The following IGF2BP2 variants were observed in gnomAD, a reference collection of about 807,000 sequenced individuals.
IGF2BP2 encodes the protein insulin like growth factor 2 mRNA binding protein 2, also known as insulin-like growth factor 2 mRNA-binding protein 2.
A neutral mutation model predicts 75.8 loss-of-function variants in IGF2BP2; 17 were observed. The ratio of observed to expected loss-of-function variants is 0.22; its 90% confidence interval spans 0.15 to 0.34. IGF2BP2 has a LOEUF of 0.34. Among genes scored for constraint, IGF2BP2 ranks in the 10% least tolerant of loss-of-function variants. The pLI is 1.00. For synonymous variants in IGF2BP2, 288 were observed against 295.6 expected (o/e 0.97, Z 0.26); for missense variants, 516 against 772.4 (o/e 0.67, Z 3.93).
chr3:185,664,635 T>C (rs1046869811), intron 10 of IGF2BP2, among the ~76,000 whole-genome samples: 3 of 152,156 alleles, frequency 2.0e-5, no homozygotes, highest in Non-Finnish European at 2.9e-5. Context: ...AGAGTGACCC[T>C]GGATATGAAA....
At position 185,647,290 on chromosome 3, in the gene IGF2BP2, C is replaced by A; in HGVS notation, c.1594-152G>T. ...CCTTTTATCAAGGACACCCCGGGGG[C>A]TCCTCTGCCCCTGAGCACATGGGGC... On this transcript the variant is annotated intron_variant, in intron 14 of 15. Transcript: ENST00000382199. This position sits in a 1 kb window ranked among gnomAD's most constrained non-coding sequence, Gnocchi z 4.9. 1.5e-6 allele frequency: 1 copy of A among 646,608 alleles called. No homozygotes were observed. The highest frequency in any genetic ancestry group is 2.8e-6 in the Non-Finnish European group (1 of 357,326). The allele number at this position is 646,608 out of a possible 1,614,324, so 40.1% of individuals were successfully genotyped here. A position where few individuals can be genotyped will look rare whatever the true frequency, so the allele number is the denominator to read the frequency against.
At chr3:185,757,764 T>C (rs891520947) in intron 2 of IGF2BP2, among the ~76,000 whole-genome samples, 4 of 152,152 alleles carry the variant, frequency 2.6e-5, no homozygotes, top group Non-Finnish European at 5.9e-5. Flanking sequence ...ACCTAGCCTA[T>C]AGCTCATGTA....
intron 2 of IGF2BP2, among the ~76,000 whole-genome samples, chr3:185,812,925 G>A (rs1328318186): frequency 6.6e-6 from 1 of 152,116 alleles, no homozygotes; most frequent in Admixed American, 6.5e-5. Flanking sequence ...GACCACAATC[G>A]ATACTTGTGA....
chr3:185,700,408 C>T (rs1167233233), intron 2 of IGF2BP2, among the ~76,000 whole-genome samples: 1 of 152,096 alleles, frequency 6.6e-6, no homozygotes, highest in African/African-American at 2.4e-5. Flanking sequence ...GCTTTAATGA[C>T]TATACAGAAT....
At chr3:185,784,404 T>C (rs1367462067) in intron 2 of IGF2BP2, among the ~76,000 whole-genome samples, 2 of 152,148 alleles carry the variant, frequency 1.3e-5, no homozygotes, top group African/African-American at 4.8e-5. Flanking sequence ...GCTGGATCTC[T>C]AGGAAGTTCC....
intron 10 of IGF2BP2, among the ~76,000 whole-genome samples, chr3:185,668,048 C>G (rs1301057579): frequency 6.6e-6 from 1 of 152,240 alleles, no homozygotes; most frequent in East Asian, 1.9e-4. Context: ...CTTGTTTTAT[C>G]ATGTTATTCA....
At chr3:185,770,113 A>C (rs1733678971) in intron 2 of IGF2BP2, among the ~76,000 whole-genome samples, 1 of 152,186 alleles carries the variant, frequency 6.6e-6, no homozygotes, top group East Asian at 1.9e-4. Flanking sequence ...TATGTCCTCA[A>C]GGAAGCAGAA....
intron 2 of IGF2BP2, among the ~76,000 whole-genome samples, chr3:185,799,195 T>C (rs1163529642): frequency 3.4e-5 from 5 of 149,124 alleles, no homozygotes; most frequent in Non-Finnish European, 5.9e-5. Context: ...AGCCCAGGAG[T>C]ATGAGACCAG....
intron 2 of IGF2BP2, among the ~76,000 whole-genome samples, chr3:185,769,945 A>G (rs932525333): frequency 3.9e-5 from 6 of 151,946 alleles, no homozygotes; most frequent in African/African-American, 1.5e-4. Flanking sequence ...TCCACAAACC[A>G]TCTTTTCACA....
chr3:185,713,115 A>ATG lies in IGF2BP2; in HGVS notation c.240-14770_240-14769dup, dbSNP rs144339025. On this transcript the variant is annotated intron_variant, in intron 2 of 15. Transcript: ENST00000382199. Reference sequence around the variant, plus strand: ...GTGTGTGTGTGTGCAAGAGACATATATGTGTGTGTGTGTGTCTTGGTGTAA... The same window carrying ATG: ...GTGTGTGTGTGTGCAAGAGACATATATGTGTGTGTGTGTGTGTCTTGGTGTAA... 199 of 278,168 alleles carry ATG rather than the reference A, an allele frequency of 7.2e-4. 2 individuals carry two copies. Among genetic ancestry groups the ATG allele is most frequent in the South Asian group, 2.8e-3 (69 of 24,774 alleles). The allele number at this position is 278,168 out of a possible 1,614,324, so 17.2% of individuals were successfully genotyped here.
At chr3:185,664,530 C>A (rs1039782811) in intron 10 of IGF2BP2, among the ~76,000 whole-genome samples, 1 of 152,088 alleles carries the variant, frequency 6.6e-6, no homozygotes, top group Non-Finnish European at 1.5e-5. Flanking sequence ...GAGCTTTTTA[C>A]AAAATTGTGA....
chr3:185,774,182 T>C (rs1734233606), intron 2 of IGF2BP2, among the ~76,000 whole-genome samples: 1 of 152,072 alleles, frequency 6.6e-6, no homozygotes, highest in Non-Finnish European at 1.5e-5. Context: ...GTATGGACAG[T>C]CTAGAGCACA....
intron 2 of IGF2BP2, among the ~76,000 whole-genome samples, chr3:185,720,490 T>C (rs2149464217): frequency 6.6e-6 from 1 of 152,270 alleles, no homozygotes; most frequent in East Asian, 1.9e-4. Flanking sequence ...GCTACTAACA[T>C]GATATCACCA....
At chr3:185,806,139 T>C (rs1738994628) in intron 2 of IGF2BP2, among the ~76,000 whole-genome samples, 1 of 152,086 alleles carries the variant, frequency 6.6e-6, no homozygotes, top group African/African-American at 2.4e-5. Context: ...GTCTGCCCAC[T>C]GAAGACAGTC....
intron 2 of IGF2BP2, among the ~76,000 whole-genome samples, chr3:185,746,658 G>A (rs762043870): frequency 3.3e-5 from 5 of 152,204 alleles, no homozygotes; most frequent in South Asian, 2.1e-4. Flanking sequence ...ATATGAGGGC[G>A]GAGCAAAAGT....
intron 2 of IGF2BP2, among the ~76,000 whole-genome samples, chr3:185,818,556 G>A (rs1320683771): frequency 6.6e-6 from 1 of 152,114 alleles, no homozygotes; most frequent in Non-Finnish European, 1.5e-5. Context: ...CCATCTACCT[G>A]AAACTGTCCC....
intron 2 of IGF2BP2, chr3:185,717,040 T>C (rs1725746061): frequency 3.0e-6 from 1 of 330,696 alleles, no homozygotes; most frequent in Admixed American, 3.9e-5. Flanking sequence ...CTTATGCCCA[T>C]GGAACTGGGC....
intron 2 of IGF2BP2, among the ~76,000 whole-genome samples, chr3:185,768,611 G>A (rs999693780): frequency 2.0e-5 from 3 of 152,226 alleles, no homozygotes; most frequent in African/African-American, 7.2e-5. Context: ...GTGGAGGACT[G>A]AAGGAAGCTT....
chr3:185,721,854 A>C (rs1331198014), intron 2 of IGF2BP2, among the ~76,000 whole-genome samples: 1 of 152,080 alleles, frequency 6.6e-6, no homozygotes, highest in Non-Finnish European at 1.5e-5. Flanking sequence ...TTTCTGCTTG[A>C]AAAGAAGTCT....
Sources: allele counts gnomAD v4.1 joint callset (sites outside exome capture counted in the v4.1 genomes callset), GRCh38; gene constraint gnomAD v4.1.1; non-coding constraint Gnocchi (gnomAD v3.1); transcripts MANE v1.5; gene names NCBI Gene and HGNC (gene_info 2026-07-23, HGNC 2026-07-21).